ANKRD30A: variants seen among roughly 807,000 people sequenced by gnomAD.
The protein encoded by ANKRD30A is ankyrin repeat domain 30A.
ANKRD30A carries 170 observed loss-of-function variants against 166.3 expected under a neutral mutation model. That is an observed-to-expected ratio of 1.02 (90% CI 0.90 to 1.16). The LOEUF (loss-of-function observed/expected upper bound fraction) is 1.16, where lower values mean the gene tolerates loss of function less well. ANKRD30A is among the 50% of genes most tolerant of loss of function. The pLI, the probability that ANKRD30A is intolerant of heterozygous loss-of-function variation, is 0.00. For missense variants in ANKRD30A, 1,630 were observed against 1,518.0 expected (o/e 1.07, Z -1.23); for synonymous variants, 564 against 508.9 (o/e 1.11, Z -1.46).
chr10:37,213,043 G>T (rs764460404), intron 31 of ANKRD30A, among the ~76,000 whole-genome samples: 15 of 151,770 alleles, frequency 9.9e-5, no homozygotes, highest in Non-Finnish European at 2.1e-4. Flanking sequence ...AGCTAGTTTG[G>T]CTAGATAGAC....
the ANKRD30A span, among the ~76,000 whole-genome samples, chr10:37,250,116 T>C: frequency 6.6e-6 from 1 of 152,134 alleles, no homozygotes; most frequent in African/African-American, 2.4e-5. Flanking sequence ...CTGCCTCTCT[T>C]GCCCTCTGGG....
At chr10:37,245,584 G>T in the ANKRD30A span, among the ~76,000 whole-genome samples, 6 of 151,678 alleles carry the variant, frequency 4.0e-5, no homozygotes, top group Non-Finnish European at 7.4e-5. Flanking sequence ...TATGAGTTTT[G>T]CAGGACTGCA....
At chr10:37,239,064 G>A in the ANKRD30A span, among the ~76,000 whole-genome samples, 1 of 151,990 alleles carries the variant, frequency 6.6e-6, no homozygotes, top group Admixed American at 6.6e-5. Flanking sequence ...GTTGGCATAC[G>A]GGGAGAGAAT....
intron 7 of ANKRD30A, among the ~76,000 whole-genome samples, chr10:37,143,212 T>C (rs1191477734): frequency 6.6e-6 from 1 of 152,194 alleles, no homozygotes. Flanking sequence ...AAATAATGCT[T>C]ATGCATAGGA....
chr10:37,209,577 A>G (rs1842171354), intron 31 of ANKRD30A, among the ~76,000 whole-genome samples: 2 of 152,128 alleles, frequency 1.3e-5, no homozygotes, highest in Admixed American at 1.3e-4. Flanking sequence ...TACTGCCAAC[A>G]TTGGAGATGA....
Position 37,216,408 on chromosome 10 carries a change from G to GT in ANKRD30A, c.3083+18dup, listed in dbSNP as rs755200041. The GT allele has an allele frequency of 1.8e-5, 29 of 1,567,928 alleles. No individual in the cohort carries two copies. The African/African-American group carries it at 3.3e-4, about 18-fold the overall frequency. ...CTGCAGTGTGAGGTGTGATTTCCTA[G>GT]TTTTAAATAAATATTTCAGCTATTT... On this transcript the variant is annotated intron_variant, in intron 32 of 35. Transcript: ENST00000361713.
chr10:37,240,827 G>T, the ANKRD30A span: 1 of 152,020 alleles, frequency 6.6e-6, no homozygotes, highest in African/African-American at 2.4e-5. Flanking sequence ...CTATTACTTT[G>T]TGTGAAAATT....
At chr10:37,232,762 T>A (rs1234203953), downstream of ANKRD30A, among the ~76,000 whole-genome samples, 2 of 137,486 alleles carry the variant, frequency 1.5e-5, no homozygotes, top group African/African-American at 5.4e-5. Context: ...CTATATGCAG[T>A]CATCCTAGCT....
chr10:37,158,856 T>C (rs980464635), intron 15 of ANKRD30A, among the ~76,000 whole-genome samples: 5 of 152,200 alleles, frequency 3.3e-5, no homozygotes, highest in East Asian at 1.9e-4. Context: ...TTTCTGTACG[T>C]GCTTGGTTTT....
chr10:37,134,830 G>C (rs1180061027), intron 5 of ANKRD30A, among the ~76,000 whole-genome samples: 1 of 152,144 alleles, frequency 6.6e-6, no homozygotes, highest in Admixed American at 6.5e-5. Context: ...TATTAATTGT[G>C]ATAGTTTAAA....
At chr10:37,203,408 A>G (rs1841782194) in intron 31 of ANKRD30A, among the ~76,000 whole-genome samples, 3 of 152,244 alleles carry the variant, frequency 2.0e-5, no homozygotes, top group Admixed American at 2.0e-4. Flanking sequence ...CAATAGATGC[A>G]GAAAAGGCCT....
intron 24 of ANKRD30A, among the ~76,000 whole-genome samples, chr10:37,179,069 TGTGC>T (rs1181085392): frequency 3.5e-4 from 51 of 147,082 alleles, no homozygotes; most frequent in African/African-American, 1.0e-3. Flanking sequence ...TATATAGATG[TGTGC>T]ATGTATGTAT....
intron 1 of ANKRD30A, among the ~76,000 whole-genome samples, chr10:37,128,026 A>C (rs1385798275): frequency 6.6e-6 from 1 of 152,088 alleles, no homozygotes; most frequent in South Asian, 2.1e-4. Context: ...CAGTGAGTTT[A>C]CAGCATGGGA....
chr10:37,141,652 C>T, intron 6 of ANKRD30A, 66 bp from the exon 7 acceptor site: 1 of 1,582,366 alleles, frequency 6.3e-7, no homozygotes, highest in East Asian at 2.3e-5. Flanking sequence ...AGAAGTTTGC[C>T]AGGTGAAGAG....
At position 37,147,415 on chromosome 10, in the gene ANKRD30A, T is replaced by G. The variant is rs1164994171; in HGVS notation, c.1501T>G (p.Ser501Ala). The G allele has an allele frequency of 1.3e-6, 2 of 1,596,752 alleles. No individual in the cohort carries two copies. Among genetic ancestry groups the G allele is most frequent in the South Asian group, 2.3e-5 (2 of 88,288 alleles). The part of the protein sequence containing the change: ...SAKIQVCIPE[S>A]IYQKVMEINR... ...AAAGATTCAAGTGTGTATACCTGAG[T>G]CTATATATCAAAAAGTAATGGAGAT... is the stretch of plus-strand genomic sequence containing the variant. Residue 501 changes from serine (S) to alanine (A), a missense_variant, in exon 9 of 36, where the codon TCT (serine) becomes GCT (alanine). Ser to Ala is a moderately conservative substitution (Grantham distance 99). This residue lies in a region of ANKRD30A where 904 missense variants were observed against 818.5 expected (regional missense o/e 1.10). Coordinates refer to ENST00000361713, the MANE Select transcript of ANKRD30A (RefSeq NM_052997.3).
chr10:37,190,725 G>C (rs1477945140), intron 25 of ANKRD30A, among the ~76,000 whole-genome samples: 1 of 151,716 alleles, frequency 6.6e-6, no homozygotes, highest in Non-Finnish European at 1.5e-5. Flanking sequence ...GAGTGTGGGT[G>C]CTCTGGAGAC....
Position 37,149,801 on chromosome 10 carries a change from G to T in ANKRD30A, c.1597G>T (p.Val533Phe), listed in dbSNP as rs1270306143. 6.2e-7 allele frequency: 1 copy of T among 1,612,762 alleles called. No individual in the cohort carries two copies. The highest frequency in any genetic ancestry group is 8.5e-7 in the Non-Finnish European group (1 of 1,179,166). Reference protein sequence around the residue: ...FKPAIEMQNSVPNKAFELKNE... With the variant: ...FKPAIEMQNSFPNKAFELKNE... ...GCCTGCCATTGAAATGCAAAACTCTGTTCCAAATAAAGCCTTTGAATTGAA... is the reference window on the plus strand; with the variant it reads ...GCCTGCCATTGAAATGCAAAACTCTTTTCCAAATAAAGCCTTTGAATTGAA... Residue 533 changes from valine (V) to phenylalanine (F), a missense_variant, in exon 11 of 36, where the codon GTT (valine) becomes TTT (phenylalanine). This residue lies in a region of ANKRD30A where 904 missense variants were observed against 818.5 expected (regional missense o/e 1.10). Coordinates refer to ENST00000361713, the MANE Select transcript of ANKRD30A (RefSeq NM_052997.3).
chr10:37,198,351 G>A (rs774951386), intron 29 of ANKRD30A, among the ~76,000 whole-genome samples: 13 of 152,004 alleles, frequency 8.6e-5, no homozygotes, highest in Non-Finnish European at 1.8e-4. Flanking sequence ...AGTTAACTGT[G>A]TTTTTAATAT....
chr10:37,199,567 G>A (rs893521626), intron 29 of ANKRD30A, among the ~76,000 whole-genome samples, 160 bp from the exon 30 acceptor site: 2 of 152,012 alleles, frequency 1.3e-5, no homozygotes, highest in African/African-American at 4.8e-5. Context: ...CAATTCTAAC[G>A]GATTGACTAT....
Sources: allele counts gnomAD v4.1 joint callset (sites outside exome capture counted in the v4.1 genomes callset), GRCh38; gene constraint gnomAD v4.1.1; regional missense constraint gnomAD v4.1.1; transcripts MANE v1.5; gene names NCBI Gene and HGNC (gene_info 2026-07-23, HGNC 2026-07-21).